The following GALNTL6 variants were observed in gnomAD, a reference collection of about 807,000 sequenced individuals.
GALNTL6 encodes polypeptide N-acetylgalactosaminyltransferase like 6.
A neutral mutation model predicts 73.7 loss-of-function variants in GALNTL6; 46 were observed. The observed-to-expected ratio is 0.62, with a 90% CI of 0.49 to 0.80. GALNTL6 has a LOEUF of 0.80. GALNTL6 is among the 30% of genes least tolerant of loss of function. The probability of loss-of-function intolerance (pLI) is 0.00; values close to 1 mark genes in which losing one functional copy is unlikely to be tolerated. For synonymous variants in GALNTL6, 259 were observed against 263.7 expected (o/e 0.98, Z 0.17); for missense variants, 604 against 755.0 (o/e 0.80, Z 2.34).
intron 5 of GALNTL6, among the ~76,000 whole-genome samples, chr4:172,392,985 T>C (rs1392234782): frequency 6.6e-6 from 1 of 152,190 alleles, no homozygotes; most frequent in Non-Finnish European, 1.5e-5. Context: ...AGCGGTGGCA[T>C]TAGATTCTCA....
intron 5 of GALNTL6, among the ~76,000 whole-genome samples, chr4:172,673,468 C>A (rs545706019): frequency 6.6e-6 from 1 of 152,272 alleles, no homozygotes; most frequent in South Asian, 2.1e-4. Context: ...ATGGAGAGTT[C>A]TGTAGATATC....
At chr4:172,414,204 T>A (rs1181092955) in intron 5 of GALNTL6, among the ~76,000 whole-genome samples, 1 of 152,164 alleles carries the variant, frequency 6.6e-6, no homozygotes, top group Non-Finnish European at 1.5e-5. Context: ...TATCATTGAT[T>A]AGCTCTGTTA....
At chr4:172,095,297 A>G (rs947761842) in intron 2 of GALNTL6, among the ~76,000 whole-genome samples, 12 of 152,126 alleles carry the variant, frequency 7.9e-5, no homozygotes, top group Non-Finnish European at 1.8e-4. Context: ...CAGCTCAGGA[A>G]CTCTGAGAAG....
chr4:172,148,213 TATA>T (rs764454522), intron 2 of GALNTL6, among the ~76,000 whole-genome samples: 11 of 152,148 alleles, frequency 7.2e-5, no homozygotes, highest in Non-Finnish European at 1.3e-4. Context: ...TTTCTTAAAA[TATA>T]ATATATTTCA....
At chr4:172,738,128 G>A (rs1442318335) in intron 5 of GALNTL6, among the ~76,000 whole-genome samples, 3 of 152,218 alleles carry the variant, frequency 2.0e-5, no homozygotes, top group Non-Finnish European at 4.4e-5. Context: ...GGCAAGGACA[G>A]TTCTCCTGCT....
intron 5 of GALNTL6, among the ~76,000 whole-genome samples, chr4:172,757,723 T>A (rs1737831643): frequency 6.6e-6 from 1 of 152,220 alleles, no homozygotes; most frequent in South Asian, 2.1e-4. Context: ...TCCATAAATA[T>A]TAATTCTGGT....
chr4:173,007,859 C>A (rs760547519), intron 10 of GALNTL6, among the ~76,000 whole-genome samples: 4 of 152,004 alleles, frequency 2.6e-5, no homozygotes, highest in African/African-American at 4.8e-5. Flanking sequence ...GACTCTACTT[C>A]TGTTGCTGTT....
intron 5 of GALNTL6, among the ~76,000 whole-genome samples, chr4:172,678,874 G>A (rs1014965674): frequency 6.6e-6 from 1 of 152,106 alleles, no homozygotes; most frequent in Non-Finnish European, 1.5e-5. Context: ...TGATTTCATG[G>A]TCTAAAGTAG....
intron 7 of GALNTL6, among the ~76,000 whole-genome samples, chr4:172,829,680 C>A (rs1560980319): frequency 1.3e-5 from 2 of 152,172 alleles, no homozygotes; most frequent in Non-Finnish European, 2.9e-5. Context: ...GTAGACATAG[C>A]CTTTAAGTAA....
chr4:172,087,775 C>A (rs1365655086), intron 2 of GALNTL6, among the ~76,000 whole-genome samples: 3 of 140,530 alleles, frequency 2.1e-5, no homozygotes, highest in African/African-American at 2.5e-5. Flanking sequence ...AAAAAAAAAA[C>A]AGTGGAAATT....
chr4:172,119,893 T>C (rs1295775847), intron 2 of GALNTL6, among the ~76,000 whole-genome samples: 1 of 152,188 alleles, frequency 6.6e-6, no homozygotes, highest in Non-Finnish European at 1.5e-5. Context: ...TGATTTTCTG[T>C]ATGATTTAAG....
intron 2 of GALNTL6, among the ~76,000 whole-genome samples, chr4:172,195,764 G>T (rs1324742973): frequency 1.3e-5 from 2 of 152,124 alleles, no homozygotes; most frequent in Non-Finnish European, 2.9e-5. Flanking sequence ...CAACATACCA[G>T]AATCTCTGAG....
rs56085981 is a variant in GALNTL6, at chr4:171,875,964, C to T, written c.138+61246C>T. Among the ~76,000 whole-genome samples the T allele has an allele frequency of 8.4e-3, 1,267 of 151,732 alleles. 14 individuals carry two copies. The highest frequency in any genetic ancestry group is 0.029 in the African/African-American group (1,203 of 41,306). On this transcript the variant is annotated intron_variant, in intron 2 of 12. Transcript: ENST00000506823. Reference sequence around the variant, plus strand: ...ATCCAATAGAGGTTGAATATTGAGGCAAGTCAAGAGTAGGAAAATAGTTTA... The same window carrying T: ...ATCCAATAGAGGTTGAATATTGAGGTAAGTCAAGAGTAGGAAAATAGTTTA...
At chr4:172,470,368 C>T (rs1733001482) in intron 5 of GALNTL6, among the ~76,000 whole-genome samples, 1 of 152,154 alleles carries the variant, frequency 6.6e-6, no homozygotes, top group Admixed American at 6.5e-5. Context: ...GAATAATTAA[C>T]TGAATTAATC....
intron 2 of GALNTL6, among the ~76,000 whole-genome samples, chr4:171,912,461 G>C (rs1375148065): frequency 6.6e-6 from 1 of 152,152 alleles, no homozygotes; most frequent in Non-Finnish European, 1.5e-5. Context: ...GGGTAGATGT[G>C]ATATGTTGAT....
chr4:172,074,959 G>C (rs929225038), intron 2 of GALNTL6, among the ~76,000 whole-genome samples: 4 of 152,060 alleles, frequency 2.6e-5, no homozygotes, highest in Admixed American at 6.5e-5. Context: ...TCCATTTTTA[G>C]TATGTTTGAA....
chr4:172,679,270 G>A (rs577807500), intron 5 of GALNTL6, among the ~76,000 whole-genome samples: 2 of 152,148 alleles, frequency 1.3e-5, no homozygotes, highest in South Asian at 2.1e-4. Flanking sequence ...AATTGGCCTG[G>A]TGTGGTGGCA....
chr4:171,974,250 G>C (rs1739652937), intron 2 of GALNTL6, among the ~76,000 whole-genome samples: 1 of 151,940 alleles, frequency 6.6e-6, no homozygotes, highest in Non-Finnish European at 1.5e-5. Flanking sequence ...TATTCTAGTA[G>C]TTTACAATTT....
chr4:172,241,995 A>C (rs934923152), intron 3 of GALNTL6, among the ~76,000 whole-genome samples: 3 of 152,202 alleles, frequency 2.0e-5, no homozygotes, highest in African/African-American at 7.2e-5. Context: ...CCTTTAATAC[A>C]GTATAAAAGA....
Sources: allele counts gnomAD v4.1 joint callset (sites outside exome capture counted in the v4.1 genomes callset), GRCh38; gene constraint gnomAD v4.1.1; transcripts MANE v1.5; gene names NCBI Gene and HGNC (gene_info 2026-07-23, HGNC 2026-07-21).